The following ERBB4 variants were observed in gnomAD, a reference collection of about 807,000 sequenced individuals.
ERBB4 encodes receptor tyrosine-protein kinase erbB-4.
A neutral mutation model predicts 158.0 loss-of-function variants in ERBB4; 42 were observed. That is an observed-to-expected ratio of 0.27 (90% CI 0.21 to 0.34). The LOEUF (loss-of-function observed/expected upper bound fraction) is 0.34, where lower values mean the gene tolerates loss of function less well. Ranked by LOEUF, ERBB4 falls within the 10% of genes least tolerant of loss-of-function variation. ERBB4 has a pLI of 1.00. For missense variants in ERBB4, 1,333 were observed against 1,624.1 expected (o/e 0.82, Z 3.08); for synonymous variants, 583 against 558.7 (o/e 1.04, Z -0.61).
rs938037856 is a variant in ERBB4, at chr2:212,324,832, T to C, written c.83-199929A>G. On this transcript the variant is annotated intron_variant, in intron 1 of 27. Transcript: ENST00000342788. ...TACAGAATTTATGGAAGATGAACTT[T>C]AATAATTTAGGGAGATATCCAATTC... Among the ~76,000 whole-genome samples the C allele has an allele frequency of 1.3e-5, 2 of 148,406 alleles. 1 individual carries two copies. The highest frequency in any genetic ancestry group is 3.0e-5 in the Non-Finnish European group (2 of 66,062).
At chr2:211,687,191 G>A (rs975544136) in intron 12 of ERBB4, among the ~76,000 whole-genome samples, 5 of 150,822 alleles carry the variant, frequency 3.3e-5, no homozygotes, top group African/African-American at 1.2e-4. Context: ...TGTAGTCCCA[G>A]TTACTTGGGA....
chr2:211,752,488 C>T (rs550953364), intron 4 of ERBB4, among the ~76,000 whole-genome samples: 1 of 101,142 alleles, frequency 9.9e-6, no homozygotes, highest in Non-Finnish European at 2.0e-5. Context: ...TACTACCTAA[C>T]TGGAAAAAAA....
chr2:211,999,580 A>G (rs919648645), intron 2 of ERBB4, among the ~76,000 whole-genome samples: 1 of 151,842 alleles, frequency 6.6e-6, no homozygotes, highest in Non-Finnish European at 1.5e-5. Context: ...ACATAAAAGA[A>G]TCAAATGAAT....
intron 1 of ERBB4, among the ~76,000 whole-genome samples, chr2:212,331,056 T>TTTTATATATATATATATA (rs1195085255): frequency 8.3e-4 from 21 of 25,268 alleles, no homozygotes; most frequent in African/African-American, 1.3e-3. Flanking sequence ...TATTTGTAAT[T>TTTTATATATATATATATA]TGTATATATA....
chr2:212,196,858 G>A (rs757550612), intron 1 of ERBB4, among the ~76,000 whole-genome samples: 38 of 152,024 alleles, frequency 2.5e-4, no homozygotes, highest in Non-Finnish European at 4.9e-4. Flanking sequence ...GGAAATTCTT[G>A]GATTGACATA....
intron 1 of ERBB4, among the ~76,000 whole-genome samples, chr2:212,185,012 C>CTTTTTTTTATT (rs558105806): frequency 7.1e-6 from 1 of 139,892 alleles, no homozygotes; most frequent in African/African-American, 2.9e-5. Flanking sequence ...ATCACAGTTA[C>CTTTTTTTTATT]TTTTTTTTCT....
At chr2:212,532,797 T>C (rs1692827472) in intron 1 of ERBB4, among the ~76,000 whole-genome samples, 1 of 152,216 alleles carries the variant, frequency 6.6e-6, no homozygotes, top group South Asian at 2.1e-4. Context: ...CCCCTGGAGT[T>C]GTGCAAAGTG....
At chr2:211,730,463 C>CT (rs1453334259) in intron 5 of ERBB4, among the ~76,000 whole-genome samples, 1 of 152,002 alleles carries the variant, frequency 6.6e-6, no homozygotes, top group African/African-American at 2.4e-5. Context: ...TCTCCTTCCT[C>CT]TTTCCCTATC....
chr2:211,690,661 C>T (rs1384484334), intron 12 of ERBB4, among the ~76,000 whole-genome samples: 1 of 152,218 alleles, frequency 6.6e-6, no homozygotes, highest in Admixed American at 6.6e-5. Context: ...CTCCACATAG[C>T]ATAGAACAAA....
intron 25 of ERBB4, among the ~76,000 whole-genome samples, chr2:211,400,095 T>C (rs1013403377): frequency 1.3e-5 from 2 of 152,118 alleles, no homozygotes; most frequent in Non-Finnish European, 2.9e-5. Flanking sequence ...AGAAGGGAAG[T>C]AGCTGCTGGA....
At chr2:211,413,946 T>C (rs1256649907) in intron 25 of ERBB4, among the ~76,000 whole-genome samples, 2 of 151,222 alleles carry the variant, frequency 1.3e-5, no homozygotes, top group Non-Finnish European at 2.9e-5. Flanking sequence ...CTCCCCTGGA[T>C]AAGGCGCAAA....
intron 4 of ERBB4, among the ~76,000 whole-genome samples, chr2:211,783,451 T>G (rs952426514): frequency 3.3e-5 from 5 of 152,236 alleles, no homozygotes; most frequent in Non-Finnish European, 5.9e-5. Context: ...GTGCCAGTTT[T>G]CAAAGCGAAT....
At chr2:212,023,339 C>T (rs2076698193) in intron 2 of ERBB4, among the ~76,000 whole-genome samples, 1 of 152,062 alleles carries the variant, frequency 6.6e-6, no homozygotes, top group Non-Finnish European at 1.5e-5. Context: ...GATCTGTCAT[C>T]TTCTGAACTG....
At chr2:211,655,736 C>A (rs1276052810) in intron 16 of ERBB4, among the ~76,000 whole-genome samples, 1 of 152,162 alleles carries the variant, frequency 6.6e-6, no homozygotes, top group Non-Finnish European at 1.5e-5. Context: ...AAGATGAACC[C>A]TGGCTTATAA....
intron 12 of ERBB4, among the ~76,000 whole-genome samples, chr2:211,680,589 A>C (rs535548411): frequency 2.0e-5 from 3 of 152,332 alleles, no homozygotes; most frequent in South Asian, 4.1e-4. Flanking sequence ...GAAATCTGTG[A>C]AAGTTAACTT....
rs369743617 is a variant in ERBB4 at position 211,582,294 on chromosome 2, A to G, written c.2302-20206T>C. On this transcript the variant is annotated intron_variant, in intron 19 of 27. Coordinates refer to ENST00000342788, the MANE Select transcript of ERBB4 (RefSeq NM_005235.3). ...TGCTTTGTTTTTGGTCTATTCCCAC[A>G]TAACAAACTCTGAAGCAATTCTACT... is the stretch of plus-strand genomic sequence containing the variant. Among the ~76,000 whole-genome samples the G allele has an allele frequency of 2.9e-4, 44 of 152,312 alleles. No individual in the cohort carries two copies. In the South Asian group the frequency reaches 8.3e-3, roughly 29 times the overall value.
chr2:212,525,659 T>C (rs1692409462), intron 1 of ERBB4, among the ~76,000 whole-genome samples: 1 of 146,968 alleles, frequency 6.8e-6, no homozygotes, highest in East Asian at 1.9e-4. Flanking sequence ...GGTGAACATT[T>C]TCTCACACTA....
intron 25 of ERBB4, among the ~76,000 whole-genome samples, chr2:211,416,871 T>TC (rs2063405560): frequency 6.6e-6 from 1 of 151,750 alleles, no homozygotes; most frequent in Non-Finnish European, 1.5e-5. Flanking sequence ...GGCCTTTAAG[T>TC]CTCTGCCAAA....
chr2:211,468,802 T>C (rs1430668618), intron 20 of ERBB4, among the ~76,000 whole-genome samples: 1 of 149,902 alleles, frequency 6.7e-6, no homozygotes, highest in African/African-American at 2.5e-5. Context: ...CCTCAGGAAA[T>C]ATCTGCCCCT....
Sources: gnomAD v4.1 joint callset for allele counts (sites outside exome capture counted in the v4.1 genomes callset) on GRCh38, gnomAD v4.1.1 for gene constraint, MANE v1.5 for transcripts, NCBI Gene and HGNC (gene_info 2026-07-23, HGNC 2026-07-21) for gene names.